IMMP2L: variants seen among roughly 807,000 people sequenced by gnomAD.
The protein encoded by IMMP2L is mitochondrial inner membrane protease subunit 2.
IMMP2L carries 18 observed loss-of-function variants against 19.3 expected under a neutral mutation model. The ratio of observed to expected loss-of-function variants is 0.93; its 90% CI spans 0.64 to 1.38. The LOEUF (loss-of-function observed/expected upper bound fraction) is 1.38. IMMP2L is among the 40% of genes most tolerant of loss of function. The pLI, the probability that IMMP2L is intolerant of heterozygous loss-of-function variation, is 0.00. For synonymous variants in IMMP2L, 76 were observed against 73.0 expected (o/e 1.04, Z -0.21); for missense variants, 233 against 218.2 (o/e 1.07, Z -0.43).
intron 4 of IMMP2L, among the ~76,000 whole-genome samples, chr7:110,900,221 G>A (rs1563065931): frequency 6.6e-6 from 1 of 151,834 alleles, no homozygotes; most frequent in Admixed American, 6.6e-5. Flanking sequence ...CAACTGAAGA[G>A]TCAATCCTCC....
chr7:111,072,277 T>C (rs924746369), intron 3 of IMMP2L, among the ~76,000 whole-genome samples: 1 of 152,168 alleles, frequency 6.6e-6, no homozygotes, highest in Admixed American at 6.5e-5. Context: ...GCAAAACTAT[T>C]TCATAAAAGT....
intron 2 of IMMP2L, among the ~76,000 whole-genome samples, chr7:111,506,232 A>G (rs989600636): frequency 6.6e-6 from 1 of 150,798 alleles, no homozygotes; most frequent in Non-Finnish European, 1.5e-5. Context: ...ATAAAAATAA[A>G]TAATAAATTT....
At chr7:111,523,492 G>A (rs1846545848) in intron 1 of IMMP2L, among the ~76,000 whole-genome samples, 1 of 152,044 alleles carries the variant, frequency 6.6e-6, no homozygotes, top group African/African-American at 2.4e-5. Flanking sequence ...AAAGATGAAT[G>A]ATAATCTAAA....
At chr7:111,407,204 G>A (rs1833973601) in intron 3 of IMMP2L, among the ~76,000 whole-genome samples, 1 of 152,008 alleles carries the variant, frequency 6.6e-6, no homozygotes, top group Admixed American at 6.6e-5. Flanking sequence ...CACTGCTCAT[G>A]GGAATGTAAC....
intron 3 of IMMP2L, among the ~76,000 whole-genome samples, chr7:110,989,405 G>T (rs2129559324): frequency 6.6e-6 from 1 of 151,350 alleles, no homozygotes; most frequent in East Asian, 2.0e-4. Context: ...AAATTAGCTG[G>T]GTGCAGTGGC....
chr7:111,440,017 T>G (rs951177608), intron 3 of IMMP2L, among the ~76,000 whole-genome samples: 1 of 151,918 alleles, frequency 6.6e-6, no homozygotes, highest in African/African-American at 2.4e-5. Flanking sequence ...TCAAGATTTA[T>G]CACAAGATTG....
At chr7:111,216,735 C>T (rs1324245477) in intron 3 of IMMP2L, among the ~76,000 whole-genome samples, 2 of 151,976 alleles carry the variant, frequency 1.3e-5, no homozygotes, top group African/African-American at 4.8e-5. Flanking sequence ...GATGAGACAT[C>T]CAATTATATC....
intron 3 of IMMP2L, among the ~76,000 whole-genome samples, chr7:111,214,862 GACTTGTTTTGTTTGACACAT>G (rs752269328): frequency 3.5e-4 from 53 of 151,242 alleles, no homozygotes; most frequent in Middle Eastern, 3.5e-3. Context: ...CTGGCTCAAA[GACTTGTTTTGTTTGACACAT>G]ACCAGCGCAG....
chr7:111,117,747 T>A (rs925353853), intron 3 of IMMP2L, among the ~76,000 whole-genome samples: 1 of 152,098 alleles, frequency 6.6e-6, no homozygotes. Flanking sequence ...AAGTTCTTTA[T>A]ACAAATGAAC....
intron 3 of IMMP2L, chr7:111,391,935 T>C (rs371813942): frequency 1.4e-6 from 1 of 703,066 alleles, no homozygotes; most frequent in Non-Finnish European, 2.6e-6. Flanking sequence ...ACCTCAGATA[T>C]GCACTTCTTC....
chr7:111,345,484 T>C (rs1302951439), intron 3 of IMMP2L, among the ~76,000 whole-genome samples: 1 of 152,142 alleles, frequency 6.6e-6, no homozygotes, highest in Non-Finnish European at 1.5e-5. Flanking sequence ...AAAGACAGCA[T>C]GCAAATACAG....
intron 3 of IMMP2L, among the ~76,000 whole-genome samples, chr7:111,317,872 A>G (rs1824275535): frequency 6.6e-6 from 1 of 152,172 alleles, no homozygotes; most frequent in African/African-American, 2.4e-5. Flanking sequence ...GAAACTTTGA[A>G]AATTCCAGGA....
intron 3 of IMMP2L, among the ~76,000 whole-genome samples, chr7:111,443,380 G>C (rs1300325992): frequency 6.6e-6 from 1 of 152,172 alleles, no homozygotes; most frequent in Admixed American, 6.5e-5. Context: ...TGTCTTAAGA[G>C]AAGGAAAACT....
chr7:110,905,792 T>C (rs568143125), intron 4 of IMMP2L, among the ~76,000 whole-genome samples: 1 of 152,326 alleles, frequency 6.6e-6, no homozygotes, highest in Admixed American at 6.5e-5. Context: ...TCAGCTTGAT[T>C]TTTTTAAAGT....
intron 3 of IMMP2L, among the ~76,000 whole-genome samples, chr7:111,051,746 T>C (rs931672176): frequency 1.3e-5 from 2 of 152,248 alleles, no homozygotes; most frequent in African/African-American, 4.8e-5. Flanking sequence ...AACATTCTTT[T>C]ATTGGTAAAT....
At chr7:111,501,316 G>C (rs1467832369) in intron 2 of IMMP2L, among the ~76,000 whole-genome samples, 2 of 152,120 alleles carry the variant, frequency 1.3e-5, no homozygotes, top group African/African-American at 2.4e-5. Flanking sequence ...AGAAATATGG[G>C]ACTATGTGAA....
intron 5 of IMMP2L, among the ~76,000 whole-genome samples, chr7:110,815,061 C>A (rs902472956): frequency 2.6e-5 from 4 of 151,986 alleles, no homozygotes; most frequent in Admixed American, 6.6e-5. Flanking sequence ...TAAATAAGTT[C>A]TTCCAGTTTT....
At chr7:110,990,966 C>T (rs1056754912) in intron 3 of IMMP2L, among the ~76,000 whole-genome samples, 1 of 152,110 alleles carries the variant, frequency 6.6e-6, no homozygotes, top group South Asian at 2.1e-4. Flanking sequence ...CTTTCTTTGT[C>T]CTCTCTTGGA....
chr7:111,182,882 G>A (rs1350004780), intron 3 of IMMP2L, among the ~76,000 whole-genome samples: 5 of 152,110 alleles, frequency 3.3e-5, no homozygotes, highest in Non-Finnish European at 4.4e-5. Flanking sequence ...GGAAGACAGC[G>A]ATTCACTAAT....
Sources: gnomAD v4.1 joint callset for allele counts (sites outside exome capture counted in the v4.1 genomes callset) on GRCh38, gnomAD v4.1.1 for gene constraint, MANE v1.5 for transcripts, NCBI Gene and HGNC (gene_info 2026-07-23, HGNC 2026-07-21) for gene names.